IL12RB2: variants seen among roughly 807,000 people sequenced by gnomAD.
The protein encoded by IL12RB2 is interleukin 12 receptor subunit beta 2.
In IL12RB2, 82 loss-of-function variants were observed where a neutral mutation model predicts 89.4. That is an observed-to-expected ratio of 0.92 (90% confidence interval 0.77 to 1.10). The LOEUF is 1.10. Among genes scored for constraint, IL12RB2 ranks in the 50% least tolerant of loss-of-function variants. The probability of loss-of-function intolerance (pLI) is 0.00; values close to 1 mark genes in which losing one functional copy is unlikely to be tolerated. For synonymous variants in IL12RB2, 368 were observed against 370.1 expected, an observed-to-expected ratio of 0.99 and a Z score of 0.07; for missense variants, 963 against 1,031.9, an observed-to-expected ratio of 0.93 and a Z score of 0.92.
chr1:67,338,835 C>T, intron 9 of IL12RB2, 132 bp downstream of exon 9: 1 of 704,456 alleles, frequency 1.4e-6, no homozygotes. Context: ...TCATGACACA[C>T]CACAGTGTCA....
chr1:67,391,782 G>A (rs550253324), intron 16 of IL12RB2, among the ~76,000 whole-genome samples: 5 of 151,894 alleles, frequency 3.3e-5, no homozygotes, highest in East Asian at 3.9e-4. Context: ...GACTACAGGC[G>A]CCCGCCGCCA....
Position 67,395,647 on chromosome 1 carries a change from C to G in IL12RB2, c.2147C>G (p.Pro716Arg). Reference protein sequence around the residue: ...VISEVLHQVTPVFRHPPCSNW... With the variant: ...VISEVLHQVTRVFRHPPCSNW... ...AGTGAAGTCCTTCATCAAGTGACCC[C>G]AGTTTTCAGACATCCCCCCTGCTCC... is the stretch of plus-strand genomic sequence containing the variant. Residue 716 changes from proline (P) to arginine (R), a missense_variant, in exon 17 of 17, where the codon CCA becomes CGA. Coordinates refer to ENST00000674203, the MANE Select transcript of IL12RB2 (RefSeq NM_001374259.2). The G allele has an allele frequency of 6.2e-7, 1 of 1,614,210 alleles. No individual in the cohort carries two copies. Among genetic ancestry groups the G allele is most frequent in the Non-Finnish European group, 8.5e-7 (1 of 1,180,026 alleles).
intron 9 of IL12RB2, among the ~76,000 whole-genome samples, chr1:67,350,081 T>C (rs2100837749): frequency 6.6e-6 from 1 of 152,322 alleles, no homozygotes; most frequent in African/African-American, 2.4e-5. Flanking sequence ...CCAAGAAAAC[T>C]GTAGCACTTG....
At chr1:67,362,847 T>A (rs1255929940) in intron 10 of IL12RB2, among the ~76,000 whole-genome samples, 1 of 150,564 alleles carries the variant, frequency 6.6e-6, no homozygotes. Context: ...TGGAACTATA[T>A]AGAAAAAGGA....
Position 67,328,061 on chromosome 1 carries a change from G to T in IL12RB2, c.480-139G>T. On this transcript the variant is annotated intron_variant, in intron 5 of 16. Coordinates refer to ENST00000674203, the MANE Select transcript of IL12RB2 (RefSeq NM_001374259.2). Reference sequence around the variant, plus strand: ...TGACCATATAGTACAAATATTCCCGGGGTGTATCCCCTAGTCATAAGATTG... The same window carrying T: ...TGACCATATAGTACAAATATTCCCGTGGTGTATCCCCTAGTCATAAGATTG... 3 of 711,484 alleles carry T rather than the reference G, an allele frequency of 4.2e-6. No individual in the cohort carries two copies. The South Asian group carries it at 4.7e-5, about 11-fold the overall frequency. The allele number at this position is 711,484 out of a possible 1,614,324, so 44.1% of individuals were successfully genotyped here. A position where few individuals can be genotyped will look rare whatever the true frequency, so the allele number is the denominator to read the frequency against.
chr1:67,348,169 T>G (rs573381454), intron 9 of IL12RB2, among the ~76,000 whole-genome samples: 1 of 152,272 alleles, frequency 6.6e-6, no homozygotes, highest in South Asian at 2.1e-4. Context: ...ACTCAGAACC[T>G]GCTAACTCTG....
intron 10 of IL12RB2, among the ~76,000 whole-genome samples, chr1:67,365,837 T>A (rs951682216): frequency 6.6e-6 from 1 of 152,136 alleles, no homozygotes; most frequent in Admixed American, 6.5e-5. Flanking sequence ...TTCATGACCC[T>A]AGGATAGAAG....
At position 67,396,146 on chromosome 1, in the gene IL12RB2, A is replaced by G; in HGVS notation, c.*57A>G. 1 of 1,012,914 alleles carries G rather than the reference A, an allele frequency of 9.9e-7. No individual in the cohort carries two copies. The highest frequency in any genetic ancestry group is 2.4e-5 in the East Asian group (1 of 42,148). 62.7% of individuals were successfully genotyped at this position (1,012,914 alleles called of 1,614,324 possible). A position where few individuals can be genotyped will look rare whatever the true frequency, so the allele number is the denominator to read the frequency against. The stretch of plus-strand genomic sequence containing the variant: ...GCCCTCAACCAGCACAGCCTGCCCC[A>G]ATTCCCCCAGCCCCTGCTCCAGCAG... On this transcript the variant is annotated 3_prime_UTR_variant, in exon 17 of 17. Coordinates refer to ENST00000674203, the MANE Select transcript of IL12RB2 (RefSeq NM_001374259.2).
rs571707546 is a variant in IL12RB2 at position 67,328,930 on chromosome 1, G to A, written c.664+546G>A. Among the ~76,000 whole-genome samples, 17 of 152,314 alleles carry A rather than the reference G, an allele frequency of 1.1e-4. No homozygotes were observed. In the East Asian group the frequency reaches 3.1e-3, roughly 28 times the overall value. ...TGTAATCGGTCCAGTTGAATCAGAGGCCAATCTCAAGCATTCCAAGTTCTG... is the reference window on the plus strand; with the variant it reads ...TGTAATCGGTCCAGTTGAATCAGAGACCAATCTCAAGCATTCCAAGTTCTG... On this transcript the variant is annotated intron_variant, in intron 6 of 16. Transcript: ENST00000674203.
chr1:67,362,517 G>C lies in IL12RB2; in HGVS notation c.1259-5308G>C, dbSNP rs549729612. 6.6e-5 allele frequency among the ~76,000 whole-genome samples: 9 copies of C among 137,270 alleles called. No individual in the cohort carries two copies. The East Asian group carries it at 2.0e-3, about 30-fold the overall frequency. The allele number at this position is 137,270 out of a possible 152,430, so 90.1% of individuals were successfully genotyped here. A position where few individuals can be genotyped will look rare whatever the true frequency, so the allele number is the denominator to read the frequency against. ...GGAAGCGGAGCTTGCAGTGAGCCGAGATTGCGCCACTGCAGTCCGCAGTCC... is the reference window on the plus strand; with the variant it reads ...GGAAGCGGAGCTTGCAGTGAGCCGACATTGCGCCACTGCAGTCCGCAGTCC... On this transcript the variant is annotated intron_variant, in intron 10 of 16. Coordinates refer to ENST00000674203, the MANE Select transcript of IL12RB2 (RefSeq NM_001374259.2).
intron 3 of IL12RB2, 74 bp from the exon 4 acceptor site, chr1:67,321,528 G>T: frequency 1.1e-6 from 1 of 950,058 alleles, no homozygotes; most frequent in South Asian, 1.3e-5. Context: ...CTGTTTTGGG[G>T]AATTACATAA....
intron 13 of IL12RB2, among the ~76,000 whole-genome samples, chr1:67,375,719 A>G (rs1323552577): frequency 2.6e-5 from 4 of 151,914 alleles, no homozygotes; most frequent in Non-Finnish European, 4.4e-5. Flanking sequence ...CCAGGGAGGA[A>G]CCCAGGTATC....
At position 67,390,017 on chromosome 1, in the gene IL12RB2, C is replaced by A; in HGVS notation, c.1947-12C>A. The A allele has an allele frequency of 9.7e-7, 1 of 1,035,722 alleles. No individual in the cohort carries two copies. The highest frequency in any genetic ancestry group is 1.5e-6 in the Non-Finnish European group (1 of 651,230). The allele number at this position is 1,035,722 out of a possible 1,614,324, so 64.2% of individuals were successfully genotyped here. A position where few individuals can be genotyped will look rare whatever the true frequency, so the allele number is the denominator to read the frequency against. On this transcript the variant is annotated splice_polypyrimidine_tract_variant and intron_variant, in intron 15 of 16. Transcript: ENST00000674203. ...ACACCTAAGGAAATGTCACTGTTTT[C>A]TTTATCTATAGGGTGTTTGTTCTCC...
intron 2 of IL12RB2, among the ~76,000 whole-genome samples, chr1:67,319,798 T>C (rs928540979): frequency 6.6e-6 from 1 of 152,128 alleles, no homozygotes; most frequent in Non-Finnish European, 1.5e-5. Context: ...GGTGATGATA[T>C]TAGGAGATGG....
At chr1:67,317,203 G>T (rs1303857980) in intron 2 of IL12RB2, among the ~76,000 whole-genome samples, 1 of 152,208 alleles carries the variant, frequency 6.6e-6, no homozygotes, top group Non-Finnish European at 1.5e-5. Context: ...AGTGTCAGCA[G>T]AGAGTGGTGG....
Position 67,396,031 on chromosome 1 carries a change from G to A in IL12RB2, c.2531G>A (p.Cys844Tyr), listed in dbSNP as rs941390756. The A allele has an allele frequency of 3.1e-6, 5 of 1,603,974 alleles. No individual in the cohort carries two copies. The highest frequency in any genetic ancestry group is 4.3e-6 in the Non-Finnish European group (5 of 1,170,608). ...SSSLHPLTFS[C>Y]GDKLTLDQLK... ...TCTCTTCACCCACTCACCTTCTCCT[G>A]TGGTGATAAGCTGACTCTGGATCAG... Residue 844 changes from cysteine to tyrosine, a missense_variant, in exon 17 of 17, where the codon TGT becomes TAT. Transcript: ENST00000674203.
At position 67,367,901 on chromosome 1, in the gene IL12RB2, G is replaced by T. The variant is rs1297567737; in HGVS notation, c.1335G>T (p.Arg445Ser). Residue 445 changes from arginine (R) to serine (S), a missense_variant, in exon 11 of 17, where the codon AGG (arginine) becomes AGT (serine). Physicochemically the swap from Arg to Ser is moderately radical, Grantham distance 110. Transcript: ENST00000674203. ...TTCTGGTGACTTGGCAGCCTCCCAG[G>T]AAAGATCCCTCTGCTGTTCAGGAGT... Reference protein sequence around the residue: ...DNILVTWQPPRKDPSAVQEYV... With the variant: ...DNILVTWQPPSKDPSAVQEYV... The T allele has an allele frequency of 5.6e-6, 9 of 1,609,116 alleles. No homozygotes were observed. Among genetic ancestry groups the T allele is most frequent in the Non-Finnish European group, 6.8e-6 (8 of 1,175,512 alleles).
chr1:67,388,067 T>C (rs6667794), intron 15 of IL12RB2, among the ~76,000 whole-genome samples: 70,980 of 151,774 alleles, frequency 0.47, 18,778 homozygotes, highest in Non-Finnish European at 0.58. Context: ...AGTCCCGGTA[T>C]TCAGGAGGCT....
intron 14 of IL12RB2, among the ~76,000 whole-genome samples, chr1:67,386,262 C>A (rs921148559): frequency 7.1e-6 from 1 of 141,472 alleles, no homozygotes; most frequent in Non-Finnish European, 1.5e-5. Context: ...CCACAGATTA[C>A]ACATCTGCTA....
Sources: gnomAD v4.1 joint callset for allele counts (sites outside exome capture counted in the v4.1 genomes callset) on GRCh38, gnomAD v4.1.1 for gene constraint, MANE v1.5 for transcripts, NCBI Gene and HGNC (gene_info 2026-07-23, HGNC 2026-07-21) for gene names.